The following PML variants were observed in gnomAD, a reference collection of about 807,000 sequenced individuals.
The protein encoded by PML is protein PML.
PML carries 28 observed loss-of-function variants against 65.2 expected under a neutral mutation model. That is an observed-to-expected ratio of 0.43 (90% CI 0.32 to 0.59). PML has a LOEUF of 0.59. Among genes scored for constraint, PML ranks in the 20% least tolerant of loss-of-function variants. PML has a pLI of 0.08. For missense variants in PML, 1,021 were observed against 1,203.4 expected, an observed-to-expected ratio of 0.85 and a Z score of 2.24; for synonymous variants, 500 against 508.8, an observed-to-expected ratio of 0.98 and a Z score of 0.23.
At position 74,024,946 on chromosome 15, in the gene PML, C is replaced by T; in HGVS notation, c.1254+19C>T. On this transcript the variant is annotated intron_variant, in intron 4 of 8. Transcript: ENST00000268058. ...TGACCTGGTGAGATGGGTTTGAGGT[C>T]TGAAGGGGTGGTGGTGGGGCCCAGC... 6.3e-7 allele frequency: 1 copy of T among 1,586,138 alleles called. No homozygotes were observed. The highest frequency in any genetic ancestry group is 8.7e-7 in the Non-Finnish European group (1 of 1,154,800).
intron 4 of PML, among the ~76,000 whole-genome samples, chr15:74,032,028 G>A (rs1462946897): frequency 6.6e-6 from 1 of 152,178 alleles, no homozygotes; most frequent in Non-Finnish European, 1.5e-5. Context: ...GTCCCAGGGA[G>A]GCCAGTTTCA....
chr15:74,036,019 G>T, intron 7 of PML: 1 of 1,614,074 alleles, frequency 6.2e-7, no homozygotes, highest in Non-Finnish European at 8.5e-7. Context: ...GCCTCCTCCA[G>T]CCCATGCTCT....
chr15:74,034,558 A>C lies in PML; in HGVS notation c.1710+28A>C, dbSNP rs1216492201. ...GAGTGGCCCAGAAGTTCAGCCCAGG[A>C]CTCCTGCCTCCCCCCATTTCAGGTC... On this transcript the variant is annotated intron_variant, in intron 7 of 8. Transcript: ENST00000268058. The C allele has an allele frequency of 4.3e-6, 7 of 1,613,506 alleles. No individual in the cohort carries two copies. In the Admixed American group the frequency reaches 1.2e-4, roughly 27 times the overall value.
At chr15:74,020,092 G>T (rs142150619) in intron 2 of PML, among the ~76,000 whole-genome samples, 2 of 152,286 alleles carry the variant, frequency 1.3e-5, no homozygotes, top group African/African-American at 4.8e-5. Flanking sequence ...GATGGGTATT[G>T]CCAAATTGCC....
Position 74,047,376 on chromosome 15 carries a change from C to T in PML, c.*2368C>T, listed in dbSNP as rs2071781471. The T allele has an allele frequency of 4.3e-6, 1 of 230,922 alleles. No homozygotes were observed. Among genetic ancestry groups the T allele is most frequent in the Non-Finnish European group, 8.6e-6 (1 of 116,636 alleles). The allele number at this position is 230,922 out of a possible 1,614,324, so 14.3% of individuals were successfully genotyped here. On this transcript the variant is annotated 3_prime_UTR_variant, in exon 9 of 9. Coordinates refer to ENST00000268058, the MANE Select transcript of PML (RefSeq NM_033238.3). ...TAATGGGAATTGATCAGTGCCACCACCCTTGACCCCAACTACCATCCCAGA... is the reference window on the plus strand; with the variant it reads ...TAATGGGAATTGATCAGTGCCACCATCCTTGACCCCAACTACCATCCCAGA...
chr15:74,016,792 C>CT lies in PML; in HGVS notation c.603-6014dup, dbSNP rs535665071. Among the ~76,000 whole-genome samples, 602 of 77,624 alleles carry CT rather than the reference C, an allele frequency of 7.8e-3. 41 individuals carry two copies. The highest frequency in any genetic ancestry group is 0.011 in the African/African-American group (237 of 20,882). 50.9% of individuals were successfully genotyped at this position (77,624 alleles called of 152,430 possible). ...TTTTGAATTTTTTAGGCAGTGGCAT[C>CT]TTTTTTTTTTTTTTTTTTTTTTGAG... On this transcript the variant is annotated intron_variant, in intron 2 of 8. Transcript: ENST00000268058.
intron 2 of PML, among the ~76,000 whole-genome samples, chr15:74,015,058 G>GT (rs2070507095): frequency 1.3e-5 from 2 of 152,220 alleles, no homozygotes; most frequent in African/African-American, 4.8e-5. Flanking sequence ...TCAGACAGGA[G>GT]TTCAAACAGT....
chr15:73,997,074 G>C (rs2069545349), intron 1 of PML, among the ~76,000 whole-genome samples: 1 of 152,244 alleles, frequency 6.6e-6, no homozygotes, highest in South Asian at 2.1e-4. Context: ...AATCTTCTGG[G>C]TTCCAAATAC....
At chr15:74,006,839 A>G (rs1353828038) in intron 2 of PML, among the ~76,000 whole-genome samples, 1 of 152,120 alleles carries the variant, frequency 6.6e-6, no homozygotes, top group East Asian at 1.9e-4. Context: ...GGGGAGCAAG[A>G]GAGAGAGAAG....
Position 74,043,333 on chromosome 15 carries a change from G to A in PML, c.1861+194G>A, listed in dbSNP as rs533374001. 3.1e-5 allele frequency: 45 copies of A among 1,458,978 alleles called. No individual in the cohort carries two copies. The highest frequency in any genetic ancestry group is 2.5e-4 in the Middle Eastern group (1 of 4,014). The allele number at this position is 1,458,978 out of a possible 1,614,324, so 90.4% of individuals were successfully genotyped here. ...TTTGCTGGCTTGAATAAAGATGTCC[G>A]CCTTATCCAGTGCCTGAGTGTGCGA... is the stretch of plus-strand genomic sequence containing the variant. On this transcript the variant is annotated intron_variant, in intron 8 of 8. Transcript: ENST00000268058. The surrounding 1 kb of genome is among the most constrained non-coding windows in gnomAD (Gnocchi z 4.3).
Position 74,037,734 on chromosome 15 carries a change from C to A in PML, c.1710+3204C>A, listed in dbSNP as rs1422738916. On this transcript the variant is annotated intron_variant, in intron 7 of 8. Transcript: ENST00000268058. This position sits in a 1 kb window ranked among gnomAD's most constrained non-coding sequence, Gnocchi z 4.2. ...TGCTCGGATGCAGCTCTGGGCACTC[C>A]TCCCTCTCCTCTGCAGGCTCTGTTT... The A allele has an allele frequency of 2.0e-6, 2 of 984,114 alleles. No individual in the cohort carries two copies. Among genetic ancestry groups the A allele is most frequent in the Non-Finnish European group, 2.4e-6 (2 of 828,850 alleles). The allele number at this position is 984,114 out of a possible 1,614,324, so 61.0% of individuals were successfully genotyped here. A position where few individuals can be genotyped will look rare whatever the true frequency, so the allele number is the denominator to read the frequency against.
At position 74,035,288 on chromosome 15, in the gene PML, C is replaced by T. The variant is rs2071497041; in HGVS notation, c.1710+758C>T. The T allele has an allele frequency of 2.5e-6, 4 of 1,613,336 alleles. No homozygotes were observed. The South Asian group carries it at 4.4e-5, about 18-fold the overall frequency. ...AGTCTCTGCTGAGAGCACAAGGAGCCTCCAGCCTGCCCTGTGGCACATACC... is the reference window on the plus strand; with the variant it reads ...AGTCTCTGCTGAGAGCACAAGGAGCTTCCAGCCTGCCCTGTGGCACATACC... On this transcript the variant is annotated intron_variant, in intron 7 of 8. Coordinates refer to ENST00000268058, the MANE Select transcript of PML (RefSeq NM_033238.3). This position sits in a 1 kb window ranked among gnomAD's most constrained non-coding sequence, Gnocchi z 4.1.
intron 2 of PML, among the ~76,000 whole-genome samples, chr15:74,010,773 C>G (rs2070301022): frequency 6.6e-6 from 1 of 152,076 alleles, no homozygotes; most frequent in Admixed American, 6.5e-5. Flanking sequence ...TACTCTATGG[C>G]AAGAACCCAG....
rs138345086 is a variant in PML at position 73,998,443 on chromosome 15, C to T, written c.569C>T (p.Ser190Phe). 36 of 1,613,956 alleles carry T rather than the reference C, an allele frequency of 2.2e-5. No homozygotes were observed. In the Admixed American group the frequency reaches 2.3e-4, roughly 10 times the overall value. ...GTRKTNNIFC[S>F]NPNHRTPTLT... ...CGCAAGACCAACAACATCTTCTGCT[C>T]CAACCCCAACCACCGCACCCCTACG... The change falls in exon 2 of 9, where the codon TCC becomes TTC. Residue 190 changes from serine to phenylalanine, a missense_variant. Coordinates refer to ENST00000268058, the MANE Select transcript of PML (RefSeq NM_033238.3).
intron 7 of PML, among the ~76,000 whole-genome samples, chr15:74,040,640 G>A (rs1314134291): frequency 6.6e-6 from 1 of 152,228 alleles, no homozygotes; most frequent in East Asian, 1.9e-4. Flanking sequence ...TGGAGTTTAA[G>A]GCGGAGCAGG....
intron 2 of PML, among the ~76,000 whole-genome samples, chr15:74,007,078 G>T (rs779418938): frequency 4.6e-5 from 7 of 152,248 alleles, no homozygotes; most frequent in Admixed American, 4.6e-4. Context: ...AGGTTTGTTT[G>T]TGCGGGCCTA....
intron 2 of PML, among the ~76,000 whole-genome samples, chr15:74,009,042 T>C (rs1454788509): frequency 6.6e-6 from 1 of 152,072 alleles, no homozygotes; most frequent in African/African-American, 2.4e-5. Flanking sequence ...CCTGCAAGAA[T>C]GCAGAGATGG....
intron 3 of PML, among the ~76,000 whole-genome samples, chr15:74,023,948 G>A (rs1266490850): frequency 2.6e-5 from 4 of 152,198 alleles, no homozygotes; most frequent in East Asian, 1.9e-4. Context: ...AGTGTTGGAC[G>A]CTTGAGAGGT....
At chr15:74,016,675 G>C (rs894291129) in intron 2 of PML, among the ~76,000 whole-genome samples, 5 of 151,192 alleles carry the variant, frequency 3.3e-5, no homozygotes, top group African/African-American at 9.7e-5. Context: ...TGCTATCTCT[G>C]TGATCATCTA....
Sources: gnomAD v4.1 joint callset for allele counts (sites outside exome capture counted in the v4.1 genomes callset) on GRCh38, gnomAD v4.1.1 for gene constraint, Gnocchi (gnomAD v3.1) non-coding constraint, MANE v1.5 for transcripts, NCBI Gene and HGNC (gene_info 2026-07-23, HGNC 2026-07-21) for gene names.